LAS1L: variants seen among roughly 807,000 people sequenced by gnomAD.
The protein encoded by LAS1L is LAS1 like ribosome biogenesis factor.
Under a neutral mutation model 57.3 loss-of-function variants are expected in LAS1L, and 5 were observed. That is an observed-to-expected ratio of 0.09 (90% confidence interval 0.05 to 0.18). The LOEUF is 0.18. LAS1L is among the 10% of genes least tolerant of loss of function. The pLI is 1.00. For synonymous variants in LAS1L, 245 were observed against 231.7 expected (o/e 1.06, Z -0.52); for missense variants, 360 against 568.3 (o/e 0.63, Z 3.73).
intron 4 of LAS1L, 59 bp downstream of exon 4, chrX:65,531,298 C>T (rs1314990612): frequency 2.1e-5 from 19 of 895,954 alleles, no homozygotes; most frequent in African/African-American, 9.9e-5. Context: ...CTACCCTCAG[C>T]GCCACCAAGC....
intron 4 of LAS1L, among the ~76,000 whole-genome samples, chrX:65,531,131 T>C (rs2069464437): frequency 8.9e-6 from 1 of 112,783 alleles, no homozygotes; most frequent in Non-Finnish European, 1.9e-5. Flanking sequence ...TTTGATATTA[T>C]GTTTATCATG....
At chrX:65,524,288 G>A (rs771153611) in intron 9 of LAS1L, 26 bp from the exon 10 acceptor site, 1 of 1,124,700 alleles carries the variant, frequency 8.9e-7, no homozygotes, top group African/African-American at 1.8e-5. Context: ...CACCCATTTG[G>A]GGGGGCAATA....
chrX:65,528,499 G>C lies in LAS1L; in HGVS notation c.847-130C>G, dbSNP rs772535821. The stretch of plus-strand genomic sequence containing the variant: ...GGACAGGGCAGGGCATGCAGGGGGG[G>C]GCCCACAACTCCCCTACTGGCCTTG... On this transcript the variant is annotated intron_variant, in intron 6 of 13. Transcript: ENST00000374811. 244 of 433,676 alleles carry C rather than the reference G, an allele frequency of 5.6e-4. No homozygotes were observed. In the South Asian group the frequency reaches 7.5e-3, roughly 13 times the overall value. 35.7% of individuals were successfully genotyped at this position (433,676 alleles called of 1,213,427 possible).
rs772564998 is a variant in LAS1L, at chrX:65,525,748, C to CAAA, written c.957-701_957-699dup. On this transcript the variant is annotated intron_variant, in intron 7 of 13. Transcript: ENST00000374811. ...AGGTCTTCACCAAGGTCTGATTTTT[C>CAAA]AAAAAAAAAAAAAAAAAAAAGAAAG... 2.0e-3 allele frequency among the ~76,000 whole-genome samples: 78 copies of CAAA among 38,230 alleles called. 1 individual carries two copies. The highest frequency in any genetic ancestry group is 7.1e-3 in the African/African-American group (62 of 8,724). 33.2% of individuals were successfully genotyped at this position (38,230 alleles called of 115,157 possible). A position where few individuals can be genotyped will look rare whatever the true frequency, so the allele number is the denominator to read the frequency against.
At position 65,529,156 on chromosome X, in the gene LAS1L, A is replaced by G. The variant is rs202161094; in HGVS notation, c.846+56T>C. The G allele has an allele frequency of 1.6e-4, 160 of 990,450 alleles. No individual in the cohort carries two copies. In the East Asian group the frequency reaches 3.8e-3, roughly 23 times the overall value. The allele number at this position is 990,450 out of a possible 1,213,427, so 81.6% of individuals were successfully genotyped here. On this transcript the variant is annotated intron_variant, in intron 6 of 13. Coordinates refer to ENST00000374811, the MANE Select transcript of LAS1L (RefSeq NM_031206.7). ...AGACTTCTCTCAGGTAGCTGGCAAGAGGGAAGAAATGGCTGGGGCAGATGA... is the reference window on the plus strand; with the variant it reads ...AGACTTCTCTCAGGTAGCTGGCAAGGGGGAAGAAATGGCTGGGGCAGATGA...
intron 2 of LAS1L, 76 bp downstream of exon 2, chrX:65,533,505 GGTTTTGCTTCAGGTAACACCTGAAGCCAA>G: frequency 1.4e-6 from 1 of 733,183 alleles, no homozygotes; most frequent in Non-Finnish European, 2.1e-6. Context: ...GTACACGCAG[GGTTTTGCTTCAGGTAACACCTGAAGCCAA>G]GTTTTGCTTA....
intron 12 of LAS1L, among the ~76,000 whole-genome samples, chrX:65,516,503 T>C (rs755163948): frequency 9.0e-6 from 1 of 110,622 alleles, no homozygotes; most frequent in East Asian, 2.8e-4. Flanking sequence ...CCAACCTCAA[T>C]GCTATCACTT....
At position 65,523,705 on chromosome X, in the gene LAS1L, G is replaced by A. The variant is rs1227918012; in HGVS notation, c.1303C>T (p.Arg435Trp). The A allele has an allele frequency of 2.5e-6, 3 of 1,180,819 alleles. No individual in the cohort carries two copies. The highest frequency in any genetic ancestry group is 1.1e-6 in the Non-Finnish European group (1 of 880,734). ...ELIVANTKTG[R>W]NARRFSAGQW... ...CCTGCAGAAAATCGGCGAGCATTCC[G>A]TCCTGAGAGAGAAGAGAGGATCTAA... is the stretch of plus-strand genomic sequence containing the variant. The change falls in exon 11 of 14, where the codon CGG (arginine) becomes TGG (tryptophan). Residue 435 changes from arginine (R) to tryptophan (W), a missense_variant and splice_region_variant. Arg to Trp is a moderately radical substitution (Grantham distance 101). This residue lies in a region of LAS1L where 81 missense variants were observed against 192.1 expected (regional missense o/e 0.42). Coordinates refer to ENST00000374811, the MANE Select transcript of LAS1L (RefSeq NM_031206.7).
chrX:65,514,970 T>C lies in LAS1L; in HGVS notation c.1931A>G (p.Asp644Gly). Residue 644 changes from aspartate (D) to glycine (G), a missense_variant, in exon 13 of 14, where the codon GAC becomes GGC. By Grantham distance (94) the Asp-to-Gly change is moderately conservative (BLOSUM62 -1). This residue lies in a region of LAS1L where 123 missense variants were observed against 168.3 expected (regional missense o/e 0.73). Transcript: ENST00000374811. The part of the protein sequence containing the change: ...QGSAWQVSSE[D>G]VRWDTFPLGR... The stretch of plus-strand genomic sequence containing the variant: ...TAGGGGAAATGTGTCCCATCGCACG[T>C]CTTCTGTGGAGCAAAGGGAAGTGGC... 1 of 1,206,068 alleles carries C rather than the reference T, an allele frequency of 8.3e-7. No homozygotes were observed. The highest frequency in any genetic ancestry group is 1.1e-6 in the Non-Finnish European group (1 of 892,177).
chrX:65,525,125 A>C, intron 7 of LAS1L, 75 bp from the exon 8 acceptor site: 2 of 843,322 alleles, frequency 2.4e-6, no homozygotes, highest in Non-Finnish European at 3.4e-6. Flanking sequence ...CCCACCTCCA[A>C]AGCAGCTAAT....
intron 12 of LAS1L, 141 bp from the exon 13 acceptor site, chrX:65,515,114 G>T: frequency 1.9e-6 from 1 of 515,637 alleles, no homozygotes; most frequent in Non-Finnish European, 3.1e-6. Flanking sequence ...ACTGCTCTCG[G>T]TATCACTTCT....
rs775564303 is a variant in LAS1L, at chrX:65,518,410, G to A, written c.1504C>T (p.Arg502Cys). ...LPDEEQEKLL[R>C]ICSIYTQSGE... ...CTCTGGGTATAAATGGAACAGATGCGCAGCAGCTTCTCCTGCTCCTCGTCT... is the reference window on the plus strand; with the variant it reads ...CTCTGGGTATAAATGGAACAGATGCACAGCAGCTTCTCCTGCTCCTCGTCT... Residue 502 changes from arginine (R) to cysteine (C), a missense_variant, in exon 12 of 14, where the codon CGC becomes TGC. Arg to Cys is a radical substitution (Grantham distance 180). Around this residue, in one of 7 missense-constraint regions of LAS1L, gnomAD observed 81 missense variants for 192.1 expected, o/e 0.42. Transcript: ENST00000374811. 9.9e-6 allele frequency: 12 copies of A among 1,209,553 alleles called. No homozygotes were observed. Among genetic ancestry groups the A allele is most frequent in the African/African-American group, 1.7e-5 (1 of 57,468 alleles).
chrX:65,524,107 T>C lies in LAS1L; in HGVS notation c.1249A>G (p.Thr417Ala). ...TCAACGGTCCATCTGAGGATGTAGG[T>C]AGGCCGGATCCCGCTGATCCCCAAG... ...PALGISGIRP[T>A]YILRWTVELI... Residue 417 changes from threonine to alanine, a missense_variant, in exon 10 of 14, where the codon ACC becomes GCC. Around this residue, in one of 7 missense-constraint regions of LAS1L, gnomAD observed 81 missense variants for 192.1 expected, o/e 0.42. Coordinates refer to ENST00000374811, the MANE Select transcript of LAS1L (RefSeq NM_031206.7). 2 of 1,210,983 alleles carry C rather than the reference T, an allele frequency of 1.7e-6. No homozygotes were observed. Among genetic ancestry groups the C allele is most frequent in the Non-Finnish European group, 2.2e-6 (2 of 895,175 alleles).
chrX:65,514,545 C>CACACACACAG (rs1190843435), intron 13 of LAS1L, among the ~76,000 whole-genome samples: 2 of 107,851 alleles, frequency 1.9e-5, no homozygotes, highest in African/African-American at 6.9e-5. Context: ...CACACACACA[C>CACACACACAG]ACACACACAC....
chrX:65,531,314 C>T, intron 4 of LAS1L, 43 bp downstream of exon 4: 2 of 1,008,227 alleles, frequency 2.0e-6, no homozygotes, highest in South Asian at 3.9e-5. Flanking sequence ...CAAGCCCAGG[C>T]CCCTGGGCTT....
intron 11 of LAS1L, chrX:65,519,124 G>C (rs999829241): frequency 1.7e-5 from 3 of 173,461 alleles, no homozygotes; most frequent in African/African-American, 9.4e-5. Context: ...GCACGAGGAG[G>C]GCAGGAAAGA....
intron 11 of LAS1L, chrX:65,521,020 G>T: frequency 1.3e-6 from 1 of 753,649 alleles, no homozygotes; most frequent in South Asian, 6.8e-5. Flanking sequence ...CCTCCCAATT[G>T]CCCACCCATC....
At chrX:65,522,018 G>A (rs2068870449) in intron 11 of LAS1L, 1 of 111,785 alleles carries the variant, frequency 8.9e-6, no homozygotes, top group African/African-American at 3.3e-5. Flanking sequence ...TGCTGTTATT[G>A]TTGTTTTGTT....
intron 4 of LAS1L, among the ~76,000 whole-genome samples, chrX:65,530,911 A>G (rs1357394415): frequency 1.8e-5 from 2 of 110,203 alleles, no homozygotes; most frequent in African/African-American, 6.6e-5. Context: ...TGAACTCGAG[A>G]GGTGGAGGTT....
Sources: gnomAD v4.1 joint callset for allele counts (sites outside exome capture counted in the v4.1 genomes callset) on GRCh38, gnomAD v4.1.1 for gene constraint, gnomAD v4.1.1 regional missense constraint, MANE v1.5 for transcripts, NCBI Gene and HGNC (gene_info 2026-07-23, HGNC 2026-07-21) for gene names.